The following TJP3 variants were observed in gnomAD, a reference collection of about 807,000 sequenced individuals.
TJP3 encodes the protein tight junction protein 3.
Under a neutral mutation model 104.2 loss-of-function variants are expected in TJP3, and 85 were observed. That is an observed-to-expected ratio of 0.82 (90% CI 0.68 to 0.98). The LOEUF (loss-of-function observed/expected upper bound fraction) is 0.98, where lower values mean the gene tolerates loss of function less well. Among genes scored for constraint, TJP3 ranks in the 50% least tolerant of loss-of-function variants. The pLI, the probability that TJP3 is intolerant of heterozygous loss-of-function variation, is 0.00. For missense variants in TJP3, 1,367 were observed against 1,322.8 expected, an observed-to-expected ratio of 1.03 and a Z score of -0.52; for synonymous variants, 550 against 550.6, an observed-to-expected ratio of 1.00 and a Z score of 0.02.
chr19:3,709,569 C>G lies in TJP3; in HGVS notation c.-10+1008C>G, dbSNP rs772038370. 3.3e-5 allele frequency among the ~76,000 whole-genome samples: 5 copies of G among 152,124 alleles called. No homozygotes were observed. In the South Asian group the frequency reaches 1.0e-3, roughly 32 times the overall value. On this transcript the variant is annotated intron_variant, in intron 1 of 20. Transcript: ENST00000541714. Reference sequence around the variant, plus strand: ...GGAGCTTCCTCGTGAGCCAAGTGTCCGATTGCATCTCAAGTCTCTCTCCAG... The same window carrying G: ...GGAGCTTCCTCGTGAGCCAAGTGTCGGATTGCATCTCAAGTCTCTCTCCAG...
chr19:3,741,908 T>C (rs1436873931), intron 14 of TJP3, among the ~76,000 whole-genome samples: 1 of 151,992 alleles, frequency 6.6e-6, no homozygotes, highest in African/African-American at 2.4e-5. Context: ...AGGCAGAGGT[T>C]GCAGTGAGCG....
Position 3,717,405 on chromosome 19 carries a change from TTATA to T in TJP3, c.-10+8865_-10+8868del, listed in dbSNP as rs112882829. Among the ~76,000 whole-genome samples, 152 of 133,732 alleles carry T rather than the reference TTATA, an allele frequency of 1.1e-3. 2 individuals are homozygous for T. In the South Asian group the frequency reaches 0.013, roughly 11 times the overall value. 87.7% of individuals were successfully genotyped at this position (133,732 alleles called of 152,430 possible). On this transcript the variant is annotated intron_variant, in intron 1 of 20. Transcript: ENST00000541714. ...GTGAGCCACTGTGCCCAGCCATAGC[TTATA>T]TATATATATATATATATATAATTTT...
chr19:3,730,445 C>A lies in TJP3; in HGVS notation c.352C>A (p.Pro118Thr), dbSNP rs781610127. 6.9e-6 allele frequency: 11 copies of A among 1,589,302 alleles called. No homozygotes were observed. The highest frequency in any genetic ancestry group is 9.4e-6 in the Non-Finnish European group (11 of 1,168,520). Residue 118 changes from proline (P) to threonine (T), a missense_variant, in exon 5 of 21, where the codon CCC becomes ACC. Physicochemically the swap from Pro to Thr is conservative, Grantham distance 38 (BLOSUM62 -1). Transcript: ENST00000541714. The surrounding 1 kb of genome is among the most constrained non-coding windows in gnomAD (Gnocchi z 7.3). ...GRQDSDEDDG[P>T]QRVEEVDQGR... ...CCAGGACTCGGATGAAGACGATGGGCCCCAGCGGGTGGAGGAGGTGGACCA... is the reference window on the plus strand; with the variant it reads ...CCAGGACTCGGATGAAGACGATGGGACCCAGCGGGTGGAGGAGGTGGACCA...
At chr19:3,723,061 G>A (rs1391074603) in intron 1 of TJP3, among the ~76,000 whole-genome samples, 1 of 152,202 alleles carries the variant, frequency 6.6e-6, no homozygotes, top group African/African-American at 2.4e-5. Context: ...GGACACACCT[G>A]TTGAGCACCT....
At position 3,730,224 on chromosome 19, in the gene TJP3, T is replaced by C. The variant is rs1296759874; in HGVS notation, c.261+94T>C. On this transcript the variant is annotated intron_variant, in intron 4 of 20. Transcript: ENST00000541714. The surrounding 1 kb of genome is among the most constrained non-coding windows in gnomAD (Gnocchi z 7.3). Reference sequence around the variant, plus strand: ...GTAAGCTTCTGAGAGCAAGGAGTCATCTTCTCATCTTACAGTTTGGACATT... The same window carrying C: ...GTAAGCTTCTGAGAGCAAGGAGTCACCTTCTCATCTTACAGTTTGGACATT... 2 of 1,520,790 alleles carry C rather than the reference T, an allele frequency of 1.3e-6. No individual in the cohort carries two copies. The highest frequency in any genetic ancestry group is 2.7e-5 in the African/African-American group (2 of 72,960). 94.2% of individuals were successfully genotyped at this position (1,520,790 alleles called of 1,614,324 possible).
intron 1 of TJP3, among the ~76,000 whole-genome samples, chr19:3,722,104 C>G (rs1045601511): frequency 6.6e-6 from 1 of 152,174 alleles, no homozygotes; most frequent in African/African-American, 2.4e-5. Context: ...CCGCGCCCCC[C>G]TCCCTGCCTC....
At chr19:3,721,672 CA>C in intron 1 of TJP3, 1 of 349,756 alleles carries the variant, frequency 2.9e-6, no homozygotes, top group Non-Finnish European at 5.1e-6. Context: ...CCGCCGCGTC[CA>C]GGGGGCGTGT....
intron 6 of TJP3, among the ~76,000 whole-genome samples, chr19:3,732,491 TG>T (rs2036684043): frequency 6.6e-6 from 1 of 151,756 alleles, no homozygotes; most frequent in Non-Finnish European, 1.5e-5. Flanking sequence ...TTATTTCCAG[TG>T]TCTTCAAAAA....
At chr19:3,720,275 G>A (rs1002872052) in intron 1 of TJP3, among the ~76,000 whole-genome samples, 5 of 152,212 alleles carry the variant, frequency 3.3e-5, no homozygotes, top group African/African-American at 1.2e-4. Context: ...TTGAGGGGCT[G>A]ACTGTAGCTG....
intron 12 of TJP3, 28 bp downstream of exon 12, chr19:3,738,691 T>C (rs375923655): frequency 6.3e-7 from 1 of 1,592,214 alleles, no homozygotes; most frequent in South Asian, 1.1e-5. Flanking sequence ...TGGGTGTGCC[T>C]GTGTGTTGCG....
rs1568380007 is a variant in TJP3 at position 3,723,828 on chromosome 19, T to TAA, written c.-9-4593_-9-4592dup. ...AAAAAAATATATATATATATATATA[T>TAA]AAAATAATAAAATAGGCAGGAGTGA... is the stretch of plus-strand genomic sequence containing the variant. On this transcript the variant is annotated intron_variant, in intron 1 of 20. Transcript: ENST00000541714. 1.9e-4 allele frequency among the ~76,000 whole-genome samples: 26 copies of TAA among 134,496 alleles called. No homozygotes were observed. In the South Asian group the frequency reaches 3.4e-3, roughly 17 times the overall value. The allele number at this position is 134,496 out of a possible 152,430, so 88.2% of individuals were successfully genotyped here.
chr19:3,747,636 C>A (rs1308902538), intron 18 of TJP3, among the ~76,000 whole-genome samples, 158 bp from the exon 19 acceptor site: 1 of 152,224 alleles, frequency 6.6e-6, no homozygotes, highest in Non-Finnish European at 1.5e-5. Flanking sequence ...TCAATGGATA[C>A]AACCCATCCT....
Position 3,711,052 on chromosome 19 carries a change from C to T in TJP3, c.-10+2491C>T, listed in dbSNP as rs577876703. The stretch of plus-strand genomic sequence containing the variant: ...CCGAGTAGCTGGGACTACAGGCGCC[C>T]GCCACCACACCCGGCTAATTTTTTG... On this transcript the variant is annotated intron_variant, in intron 1 of 20. Transcript: ENST00000541714. 3.2e-3 allele frequency among the ~76,000 whole-genome samples: 367 copies of T among 115,340 alleles called. 17 individuals are homozygous for T. Among genetic ancestry groups the T allele is most frequent in the African/African-American group, 0.012 (360 of 31,180 alleles). 75.7% of individuals were successfully genotyped at this position (115,340 alleles called of 152,430 possible). A position where few individuals can be genotyped will look rare whatever the true frequency, so the allele number is the denominator to read the frequency against.
chr19:3,747,807 TG>T lies in TJP3; in HGVS notation c.2338del (p.Glu780ArgfsTer4). The part of the protein sequence containing the change: ...WTAEDQLDGS[L>X]EDNLDLPHHG... ...CCCACCCCACAGCTGGATGGCTCCT[TG>T]GAGGACAACCTAGACCTCCCTCACC... is the stretch of plus-strand genomic sequence containing the variant. On this transcript the variant is annotated frameshift_variant, in exon 19 of 21. Coordinates refer to ENST00000541714, the MANE Select transcript of TJP3 (RefSeq NM_001267560.2). LOFTEE classifies it high-confidence loss of function. 6.3e-7 allele frequency: 1 copy of T among 1,596,712 alleles called. No individual in the cohort carries two copies.
intron 18 of TJP3, among the ~76,000 whole-genome samples, chr19:3,747,107 C>A (rs1308312601): frequency 6.6e-6 from 1 of 152,056 alleles, no homozygotes; most frequent in South Asian, 2.1e-4. Flanking sequence ...GTCACCCAGG[C>A]TGGAGTACAG....
rs762887843 is a variant in TJP3 at position 3,750,555 on chromosome 19, G to C, written c.2658-27G>C. 7.1e-6 allele frequency: 11 copies of C among 1,557,120 alleles called. 1 individual carries two copies. The Admixed American group carries it at 1.5e-4, about 21-fold the overall frequency. On this transcript the variant is annotated intron_variant, in intron 20 of 20. Transcript: ENST00000541714. The stretch of plus-strand genomic sequence containing the variant: ...AAAGCTCACACCCTTCCCACCCACA[G>C]CATCTATTCTATTTCCTGATCCCCA...
At chr19:3,745,264 G>A (rs1241920110) in intron 15 of TJP3, among the ~76,000 whole-genome samples, 1 of 148,582 alleles carries the variant, frequency 6.7e-6, no homozygotes, top group Admixed American at 6.8e-5. Context: ...TCCTGCCTTA[G>A]CCACCCTGGT....
intron 11 of TJP3, among the ~76,000 whole-genome samples, chr19:3,737,651 T>C (rs1054577238): frequency 6.6e-6 from 1 of 152,214 alleles, no homozygotes; most frequent in Non-Finnish European, 1.5e-5. Flanking sequence ...ACCTTGCTTG[T>C]GTCTTGACCT....
chr19:3,743,221 G>A (rs928319412), intron 14 of TJP3, among the ~76,000 whole-genome samples: 6 of 151,934 alleles, frequency 3.9e-5, no homozygotes, highest in East Asian at 1.9e-4. Flanking sequence ...CCAAGATTGC[G>A]CCACTGCACT....
Sources: gnomAD v4.1 joint callset for allele counts (sites outside exome capture counted in the v4.1 genomes callset) on GRCh38, gnomAD v4.1.1 for gene constraint, Gnocchi (gnomAD v3.1) non-coding constraint, MANE v1.5 for transcripts, NCBI Gene and HGNC (gene_info 2026-07-23, HGNC 2026-07-21) for gene names.